The following DDX46 variants were observed in gnomAD, a reference collection of about 807,000 sequenced individuals.
DDX46 encodes the protein DEAD-box helicase 46.
DDX46 carries 30 observed loss-of-function variants against 134.9 expected under a neutral mutation model. That is an observed-to-expected ratio of 0.22 (90% CI 0.17 to 0.30). The LOEUF is 0.30. Among genes scored for constraint, DDX46 ranks in the 10% least tolerant of loss-of-function variants. The probability of loss-of-function intolerance (pLI) is 1.00; values close to 1 mark genes in which losing one functional copy is unlikely to be tolerated. For missense variants in DDX46, 622 were observed against 1,248.7 expected, an observed-to-expected ratio of 0.50 and a Z score of 7.56; for synonymous variants, 415 against 404.1, an observed-to-expected ratio of 1.03 and a Z score of -0.32.
intron 15 of DDX46, chr5:134,805,044 C>G (rs541377153): frequency 3.2e-5 from 11 of 348,358 alleles, no homozygotes; most frequent in Admixed American, 2.4e-4. Context: ...GTAAACAATT[C>G]TATTACCAGG....
In DDX46 at chr5:134,781,953, G is replaced by A. The variant is rs149319361; in HGVS notation, c.912G>A (p.Gln304=). The A allele has an allele frequency of 3.7e-6, 6 of 1,607,090 alleles. No individual in the cohort carries two copies. Among genetic ancestry groups the A allele is most frequent in the Non-Finnish European group, 5.1e-6 (6 of 1,178,524 alleles). Residue 304 remains glutamine (Q), a synonymous_variant, in exon 8 of 23, where the codon CAG becomes CAA. Transcript: ENST00000452510. ...YSSEEEEVDL[Q]TALTGYQTKQ... Reference sequence around the variant, plus strand: ...CAGAGGAGGAAGAAGTTGATCTTCAGACAGCCCTTACAGGGTATCAAACAA... The same window carrying A: ...CAGAGGAGGAAGAAGTTGATCTTCAAACAGCCCTTACAGGGTATCAAACAA...
chr5:134,810,473 G>A (rs2150156116), intron 16 of DDX46, among the ~76,000 whole-genome samples: 1 of 151,394 alleles, frequency 6.6e-6, no homozygotes, highest in East Asian at 2.0e-4. Flanking sequence ...CCAAGTAGTT[G>A]GGATCACAGG....
At chr5:134,777,377 T>C (rs553425835) in intron 5 of DDX46, among the ~76,000 whole-genome samples, 197 bp from the exon 6 acceptor site, 33 of 152,214 alleles carry the variant, frequency 2.2e-4, no homozygotes, top group Non-Finnish European at 2.5e-4. Context: ...ATTGTTAATA[T>C]TCAGAAGTAA....
chr5:134,819,694 CT>C (rs76529794), intron 21 of DDX46, among the ~76,000 whole-genome samples: 195 of 143,744 alleles, frequency 1.4e-3, no homozygotes, highest in East Asian at 2.8e-3. Flanking sequence ...CCACACCTGA[CT>C]TTTTTTTTTT....
intron 2 of DDX46, 56 bp downstream of exon 2, chr5:134,764,148 T>G: frequency 6.6e-7 from 1 of 1,515,482 alleles, no homozygotes; most frequent in Non-Finnish European, 8.9e-7. Flanking sequence ...TTCTCGGCTA[T>G]AGCAGGCTTC....
chr5:134,798,483 G>A (rs1754734583), intron 15 of DDX46, among the ~76,000 whole-genome samples: 2 of 152,150 alleles, frequency 1.3e-5, no homozygotes. Flanking sequence ...GATTACATGC[G>A]TGAACCACCA....
intron 12 of DDX46, among the ~76,000 whole-genome samples, chr5:134,788,952 T>C (rs1178969996): frequency 1.3e-5 from 2 of 152,238 alleles, no homozygotes; most frequent in Non-Finnish European, 2.9e-5. Flanking sequence ...TGATCATAAC[T>C]TGGATTCTTA....
intron 15 of DDX46, among the ~76,000 whole-genome samples, chr5:134,800,939 G>T (rs1341530040): frequency 6.6e-6 from 1 of 152,086 alleles, no homozygotes; most frequent in Non-Finnish European, 1.5e-5. Flanking sequence ...GCCTCCCAAA[G>T]TGCTGGGGTT....
In DDX46 at chr5:134,777,650, T is replaced by C; in HGVS notation, c.690T>C (p.Ala230=). 1 of 1,613,888 alleles carries C rather than the reference T, an allele frequency of 6.2e-7. No homozygotes were observed. The highest frequency in any genetic ancestry group is 8.5e-7 in the Non-Finnish European group (1 of 1,179,964). Residue 230 remains alanine (A), a synonymous_variant, in exon 6 of 23, where the codon GCT becomes GCC. Transcript: ENST00000452510. ...GTGAGGAGTTAGATCCATTAGATGC[T>C]TACATGGAAGAAGTGAAAGAGGAAG... ...MEGEELDPLD[A]YMEEVKEEVK...
chr5:134,826,187 A>T (rs1267450672), intron 21 of DDX46: 2 of 152,210 alleles, frequency 1.3e-5, no homozygotes, highest in Admixed American at 1.3e-4. Flanking sequence ...CTGTTTTGAT[A>T]TCTTTACAAG....
chr5:134,777,868 G>A (rs254713), intron 6 of DDX46, 143 bp downstream of exon 6: 942,901 of 966,124 alleles, frequency 0.98, 460,176 homozygotes, highest in East Asian at 1. Context: ...TACTTTTTCT[G>A]AGTACCAGAG....
At chr5:134,783,881 C>T (rs1232990868) in intron 9 of DDX46, among the ~76,000 whole-genome samples, 19 of 142,366 alleles carry the variant, frequency 1.3e-4, no homozygotes, top group African/African-American at 4.2e-4. Flanking sequence ...GATGGGGTGT[C>T]GCTATGTTGA....
At position 134,780,138 on chromosome 5, in the gene DDX46, G is replaced by GTGTGTGTGTA. The variant is rs1158560431; in HGVS notation, c.766-994_766-993insGTGTGTGTAT. 3.4e-4 allele frequency among the ~76,000 whole-genome samples: 49 copies of GTGTGTGTGTA among 142,426 alleles called. No individual in the cohort carries two copies. The East Asian group carries it at 7.3e-3, about 21-fold the overall frequency. 93.4% of individuals were successfully genotyped at this position (142,426 alleles called of 152,430 possible). On this transcript the variant is annotated intron_variant, in intron 6 of 22. Transcript: ENST00000452510. ...TGTGTGTGTGTGTGTGTGTGTGTGT[G>GTGTGTGTGTA]TATATGTATATATGTGCATGTATAT... is the stretch of plus-strand genomic sequence containing the variant.
intron 21 of DDX46, among the ~76,000 whole-genome samples, chr5:134,820,210 G>A (rs562356332): frequency 3.3e-5 from 5 of 152,276 alleles, no homozygotes; most frequent in East Asian, 1.9e-4. Context: ...ATGAGCCACC[G>A]CGCCCAGCCC....
intron 3 of DDX46, among the ~76,000 whole-genome samples, chr5:134,769,936 G>T (rs1753708270): frequency 6.6e-6 from 1 of 151,978 alleles, no homozygotes; most frequent in African/African-American, 2.4e-5. Flanking sequence ...GCTGAGATTA[G>T]AGGCATGAGC....
In DDX46 at chr5:134,773,509, A is replaced by G. The variant is rs571640111; in HGVS notation, c.448-187A>G. Among the ~76,000 whole-genome samples the G allele has an allele frequency of 5.3e-5, 8 of 152,280 alleles. No individual in the cohort carries two copies. In the South Asian group the frequency reaches 1.7e-3, roughly 32 times the overall value. ...GCTTTTTTTGTGATTTCATTTTGGTAATATATTTGTGTGTATATTTATAAA... is the reference window on the plus strand; with the variant it reads ...GCTTTTTTTGTGATTTCATTTTGGTGATATATTTGTGTGTATATTTATAAA... On this transcript the variant is annotated intron_variant, in intron 4 of 22. Coordinates refer to ENST00000452510, the MANE Select transcript of DDX46 (RefSeq NM_001300860.2).
intron 21 of DDX46, among the ~76,000 whole-genome samples, chr5:134,819,508 T>C (rs1004021786): frequency 6.6e-6 from 1 of 152,242 alleles, no homozygotes; most frequent in African/African-American, 2.4e-5. Flanking sequence ...CATACATTCA[T>C]GAATGAATTC....
At chr5:134,813,627 T>C (rs1561872400) in intron 18 of DDX46, among the ~76,000 whole-genome samples, 1 of 152,102 alleles carries the variant, frequency 6.6e-6, no homozygotes, top group Non-Finnish European at 1.5e-5. Context: ...GGGTTTTTTT[T>C]GTCTTGTTTT....
At position 134,829,460 on chromosome 5, in the gene DDX46, A is replaced by G. The variant is rs1755678122; in HGVS notation, c.*754A>G. The G allele has an allele frequency of 6.6e-6, 1 of 151,928 alleles. No homozygotes were observed. Among genetic ancestry groups the G allele is most frequent in the Non-Finnish European group, 1.5e-5 (1 of 67,988 alleles). 9.4% of individuals were successfully genotyped at this position (151,928 alleles called of 1,614,324 possible). On this transcript the variant is annotated 3_prime_UTR_variant, in exon 23 of 23. Transcript: ENST00000452510. ...GTAGCCTATAAATACTAAATATGAT[A>G]CCTTTTCCTTCTAGAAAGTGTTTAT...
Sources: gnomAD v4.1 joint callset for allele counts (sites outside exome capture counted in the v4.1 genomes callset) on GRCh38, gnomAD v4.1.1 for gene constraint, MANE v1.5 for transcripts, NCBI Gene and HGNC (gene_info 2026-07-23, HGNC 2026-07-21) for gene names.